SMAP1: variants seen among roughly 807,000 people sequenced by gnomAD.
SMAP1 encodes the protein stromal membrane-associated protein 1.
Under a neutral mutation model 58.5 loss-of-function variants are expected in SMAP1, and 24 were observed. The ratio of observed to expected loss-of-function variants is 0.41; its 90% CI spans 0.30 to 0.58. SMAP1 has a LOEUF of 0.58. Ranked by LOEUF, SMAP1 falls within the 20% of genes least tolerant of loss-of-function variation. The probability of loss-of-function intolerance (pLI) is 0.29; values close to 1 mark genes in which losing one functional copy is unlikely to be tolerated. For synonymous variants in SMAP1, 216 were observed against 196.6 expected (o/e 1.10, Z -0.82); for missense variants, 563 against 566.3 (o/e 0.99, Z 0.06).
chr6:70,736,379 A>G lies in SMAP1; in HGVS notation c.252+3868A>G, dbSNP rs544240288. Among the ~76,000 whole-genome samples, 15 of 152,288 alleles carry G rather than the reference A, an allele frequency of 9.8e-5. No homozygotes were observed. The East Asian group carries it at 2.1e-3, about 22-fold the overall frequency. Reference sequence around the variant, plus strand: ...AGTTTTTTATACTTTTATAAATACTATAGCTTCCTTCCCCTCCCCCCACCC... The same window carrying G: ...AGTTTTTTATACTTTTATAAATACTGTAGCTTCCTTCCCCTCCCCCCACCC... On this transcript the variant is annotated intron_variant, in intron 2 of 10. Transcript: ENST00000370455.
intron 3 of SMAP1, among the ~76,000 whole-genome samples, chr6:70,768,458 T>A (rs1441933182): frequency 6.6e-6 from 1 of 152,212 alleles, no homozygotes; most frequent in Non-Finnish European, 1.5e-5. Context: ...GAGAGTCAAC[T>A]TCTTCCTGGT....
chr6:70,859,563 TC>T, intron 10 of SMAP1: 1 of 524,732 alleles, frequency 1.9e-6, no homozygotes, highest in Non-Finnish European at 3.3e-6. Context: ...TTAAACCCAC[TC>T]ACTATATGGT....
intron 1 of SMAP1, among the ~76,000 whole-genome samples, chr6:70,720,847 C>T (rs1193732661): frequency 6.6e-6 from 1 of 152,202 alleles, no homozygotes; most frequent in Admixed American, 6.5e-5. Flanking sequence ...CCCATGAAAC[C>T]ACTTTTTCCT....
At chr6:70,803,791 A>T (rs12199113) in intron 6 of SMAP1, among the ~76,000 whole-genome samples, 75,621 of 152,002 alleles carry the variant, frequency 0.5, 19,142 homozygotes, top group African/African-American at 0.52. Context: ...TTCCATGTAG[A>T]TGTGCAGTTT....
intron 4 of SMAP1, among the ~76,000 whole-genome samples, chr6:70,788,643 G>T (rs1312518464): frequency 1.3e-5 from 2 of 152,112 alleles, no homozygotes; most frequent in Non-Finnish European, 2.9e-5. Context: ...GGACTAGCAA[G>T]AGGAAAGGCC....
intron 7 of SMAP1, among the ~76,000 whole-genome samples, chr6:70,846,462 C>A (rs535612849): frequency 1.3e-5 from 2 of 152,202 alleles, no homozygotes; most frequent in African/African-American, 4.8e-5. Context: ...CTGGGGCATG[C>A]CTGTTCAGCC....
chr6:70,798,811 T>C (rs932407228), intron 6 of SMAP1, 74 bp downstream of exon 6: 16 of 1,141,662 alleles, frequency 1.4e-5, no homozygotes, highest in Admixed American at 1.1e-4. Context: ...AATGACTTTC[T>C]GGATATTTAT....
chr6:70,829,991 A>G (rs1183787264), intron 6 of SMAP1, among the ~76,000 whole-genome samples: 1 of 152,202 alleles, frequency 6.6e-6, no homozygotes, highest in Non-Finnish European at 1.5e-5. Context: ...ATGAATCACA[A>G]AAAGATTGGG....
intron 4 of SMAP1, among the ~76,000 whole-genome samples, chr6:70,790,277 A>G (rs1768288985): frequency 6.6e-6 from 1 of 152,146 alleles, no homozygotes; most frequent in African/African-American, 2.4e-5. Context: ...AGTAGCTGGG[A>G]TTACAGGCAT....
chr6:70,732,233 G>A lies in SMAP1; in HGVS notation c.119-145G>A, dbSNP rs532533134. 459 of 741,996 alleles carry A rather than the reference G, an allele frequency of 6.2e-4. 2 individuals are homozygous for A. In the African/African-American group the frequency reaches 7.2e-3, roughly 12 times the overall value. 46.0% of individuals were successfully genotyped at this position (741,996 alleles called of 1,614,324 possible). ...ACACATGTCTTCTTAGCAGACTGCCGCCAGTACCATTTGAAAATTTGAGCA... is the reference window on the plus strand; with the variant it reads ...ACACATGTCTTCTTAGCAGACTGCCACCAGTACCATTTGAAAATTTGAGCA... On this transcript the variant is annotated intron_variant, in intron 1 of 10. Transcript: ENST00000370455.
intron 2 of SMAP1, among the ~76,000 whole-genome samples, chr6:70,739,243 A>G (rs192397355): frequency 1.2e-3 from 189 of 152,254 alleles, no homozygotes; most frequent in East Asian, 1.5e-3. Flanking sequence ...TCATGACACT[A>G]TTTTTTAAGT....
intron 7 of SMAP1, among the ~76,000 whole-genome samples, chr6:70,846,580 G>T (rs1430338742): frequency 6.6e-6 from 1 of 152,192 alleles, no homozygotes; most frequent in Non-Finnish European, 1.5e-5. Flanking sequence ...GGTGGAGTTG[G>T]TAGGCCTGAC....
intron 6 of SMAP1, among the ~76,000 whole-genome samples, chr6:70,810,454 C>T (rs1253131837): frequency 6.6e-6 from 1 of 152,182 alleles, no homozygotes; most frequent in Non-Finnish European, 1.5e-5. Context: ...AATGCCTTGG[C>T]ATTCATCCTT....
intron 3 of SMAP1, among the ~76,000 whole-genome samples, chr6:70,769,336 A>G (rs1007135345): frequency 1.8e-4 from 28 of 152,112 alleles, no homozygotes; most frequent in Admixed American, 3.9e-4. Flanking sequence ...GATCTGTCTA[A>G]TGTTGACAGT....
At chr6:70,714,930 A>G (rs555340724) in intron 1 of SMAP1, among the ~76,000 whole-genome samples, 5 of 152,110 alleles carry the variant, frequency 3.3e-5, no homozygotes, top group South Asian at 4.1e-4. Flanking sequence ...ATATAATTCT[A>G]TTCCCTTCAG....
At chr6:70,704,478 T>C (rs1048201528) in intron 1 of SMAP1, among the ~76,000 whole-genome samples, 89 of 152,214 alleles carry the variant, frequency 5.8e-4, no homozygotes, top group African/African-American at 2.1e-3. Flanking sequence ...AAAATGGTTA[T>C]ATTCTGCAGC....
At chr6:70,833,217 TAGTG>T (rs1338661510) in intron 6 of SMAP1, among the ~76,000 whole-genome samples, 2 of 152,286 alleles carry the variant, frequency 1.3e-5, no homozygotes, top group South Asian at 2.1e-4. Context: ...AAAATAAAAA[TAGTG>T]AGGTTAATTT....
At chr6:70,676,619 A>T (rs1766492903) in intron 1 of SMAP1, among the ~76,000 whole-genome samples, 1 of 152,188 alleles carries the variant, frequency 6.6e-6, no homozygotes, top group South Asian at 2.1e-4. Context: ...CCTTCGGCTA[A>T]CTTAAGGTTT....
intron 2 of SMAP1, among the ~76,000 whole-genome samples, chr6:70,748,771 G>A (rs1766153020): frequency 6.6e-6 from 1 of 152,094 alleles, no homozygotes; most frequent in Non-Finnish European, 1.5e-5. Flanking sequence ...GGGGACAAAA[G>A]TGCAGTGAAT....
Sources: gnomAD v4.1 joint callset for allele counts (sites outside exome capture counted in the v4.1 genomes callset) on GRCh38, gnomAD v4.1.1 for gene constraint, MANE v1.5 for transcripts, NCBI Gene and HGNC (gene_info 2026-07-23, HGNC 2026-07-21) for gene names.